LTBP3: variants seen among roughly 807,000 people sequenced by gnomAD.
The protein encoded by LTBP3 is latent transforming growth factor beta binding protein 3.
LTBP3 carries 97 observed loss-of-function variants against 159.7 expected under a neutral mutation model. The observed-to-expected ratio is 0.61, with a 90% CI of 0.52 to 0.72. The LOEUF (loss-of-function observed/expected upper bound fraction) is 0.72. Ranked by LOEUF, LTBP3 falls within the 30% of genes least tolerant of loss-of-function variation. The probability of loss-of-function intolerance (pLI) is 0.00; values close to 1 mark genes in which losing one functional copy is unlikely to be tolerated. For missense variants in LTBP3, 1,584 were observed against 1,864.3 expected (o/e 0.85, Z 2.77); for synonymous variants, 824 against 777.1 (o/e 1.06, Z -1.00).
At chr11:65,544,866 G>A (rs1856300898) in intron 16 of LTBP3, 1 of 152,636 alleles carries the variant, frequency 6.6e-6, no homozygotes, top group East Asian at 1.9e-4. Context: ...CCACTCTCCT[G>A]GCATCACCTC....
chr11:65,547,714 C>T lies in LTBP3; in HGVS notation c.1954G>A (p.Gly652Ser). The change falls in exon 13 of 28, where the codon GGC (glycine) becomes AGC (serine). Residue 652 changes from glycine (G) to serine (S), a missense_variant. Coordinates refer to ENST00000301873, the MANE Select transcript of LTBP3 (RefSeq NM_001130144.3). The surrounding 1 kb of genome is among the most constrained non-coding windows in gnomAD (Gnocchi z 4.6). ...CCCACGCACGAGCGCCCCCCGGCGC[C>T]CACGTGCAGGCGGTAGCCGCGGTTG... Reference protein sequence around the residue: ...HCNRGYRLHVGAGGRSCVDLN... With the variant: ...HCNRGYRLHVSAGGRSCVDLN... 1.9e-6 allele frequency: 3 copies of T among 1,606,800 alleles called. No individual in the cohort carries two copies. Among genetic ancestry groups the T allele is most frequent in the Non-Finnish European group, 2.5e-6 (3 of 1,177,888 alleles).
chr11:65,546,649 A>G lies in LTBP3; in HGVS notation c.2231-85T>C. 6.3e-7 allele frequency: 1 copy of G among 1,583,014 alleles called. No homozygotes were observed. ...GCGGGGGTGTGGGTCTCTTCCCTGG[A>G]ACGCGGGGTTGAGAGGGCAGCCTCT... On this transcript the variant is annotated intron_variant, in intron 15 of 27. Coordinates refer to ENST00000301873, the MANE Select transcript of LTBP3 (RefSeq NM_001130144.3). This position sits in a 1 kb window ranked among gnomAD's most constrained non-coding sequence, Gnocchi z 4.0.
chr11:65,545,739 T>G, intron 16 of LTBP3: 1 of 213,264 alleles, frequency 4.7e-6, no homozygotes, highest in Non-Finnish European at 9.5e-6. Flanking sequence ...ATCTTGTCAC[T>G]CTTACACTTA....
Position 65,552,728 on chromosome 11 carries a change from C to A in LTBP3, c.1186+132G>T. The A allele has an allele frequency of 7.4e-7, 1 of 1,355,762 alleles. No individual in the cohort carries two copies. Among genetic ancestry groups the A allele is most frequent in the East Asian group, 2.4e-5 (1 of 42,346 alleles). 84.0% of individuals were successfully genotyped at this position (1,355,762 alleles called of 1,614,324 possible). The stretch of plus-strand genomic sequence containing the variant: ...ATGTGACCCCGGACCCTGCTGATCC[C>A]TGATCCTATTGGCTCTGGGCCTTGT... On this transcript the variant is annotated intron_variant, in intron 6 of 27. Transcript: ENST00000301873. This position sits in a 1 kb window ranked among gnomAD's most constrained non-coding sequence, Gnocchi z 6.0.
In LTBP3 at chr11:65,543,509, G is replaced by A. The variant is rs766347403; in HGVS notation, c.2394C>T (p.Gly798=). The change falls in exon 17 of 28, where the codon GGC becomes GGT. Residue 798 remains glycine, a synonymous_variant. Transcript: ENST00000301873. ...ECEAGDVCDN[G]ICSNTPGSFQ... ...AAGATCCTGGCGTGTTGCTGCAGAT[G>A]CCATTGTCACACACGTCCCCAGCCT... 2 of 1,614,080 alleles carry A rather than the reference G, an allele frequency of 1.2e-6. No homozygotes were observed. Among genetic ancestry groups the A allele is most frequent in the Admixed American group, 1.7e-5 (1 of 60,016 alleles).
intron 18 of LTBP3, chr11:65,542,092 C>T (rs1188530699): frequency 2.9e-6 from 1 of 342,790 alleles, no homozygotes; most frequent in Non-Finnish European, 5.8e-6. Flanking sequence ...GTAAACACAA[C>T]TAGCTCCTTC....
In LTBP3 at chr11:65,543,132, G is replaced by A. The variant is rs368156902; in HGVS notation, c.2569C>T (p.Arg857Trp). ...TGGCATTTCCTGCCACCCACCAGCC[G>A]ATGCCCCTGGGGGCAAAGACATCTG... ...SYRCLCPQGH[R>W]LVGGRKCQDI... The change falls in exon 18 of 28, where the codon CGG (arginine) becomes TGG (tryptophan). Residue 857 changes from arginine (R) to tryptophan (W), a missense_variant. Transcript: ENST00000301873. The A allele has an allele frequency of 3.7e-6, 6 of 1,613,998 alleles. No individual in the cohort carries two copies. The highest frequency in any genetic ancestry group is 2.7e-5 in the African/African-American group (2 of 74,914).
intron 21 of LTBP3, 119 bp from the exon 22 acceptor site, chr11:65,540,733 A>ACAGGAGGGGCGGGGCCTC: frequency 1.3e-6 from 2 of 1,508,406 alleles, no homozygotes; most frequent in South Asian, 1.1e-5. Flanking sequence ...GGCGGGGCCT[A>ACAGGAGGGGCGGGGCCTC]CAGGGCGGGG....
chr11:65,558,079 C>G lies in LTBP3; in HGVS notation c.-120G>C. Reference sequence around the variant, plus strand: ...GGTAGGGGGCAGCGAGGGAGGGCAGCGGGGGAAGCGGGCGGGAGGGGACCG... The same window carrying G: ...GGTAGGGGGCAGCGAGGGAGGGCAGGGGGGGAAGCGGGCGGGAGGGGACCG... On this transcript the variant is annotated 5_prime_UTR_variant, in exon 1 of 28. Transcript: ENST00000301873. 2 of 846,732 alleles carry G rather than the reference C, an allele frequency of 2.4e-6. No homozygotes were observed. Among genetic ancestry groups the G allele is most frequent in the Non-Finnish European group, 2.9e-6 (2 of 685,642 alleles). 52.5% of individuals were successfully genotyped at this position (846,732 alleles called of 1,614,324 possible). A position where few individuals can be genotyped will look rare whatever the true frequency, so the allele number is the denominator to read the frequency against.
intron 11 of LTBP3, among the ~76,000 whole-genome samples, chr11:65,550,292 G>A (rs1385153675): frequency 6.6e-6 from 1 of 151,930 alleles, no homozygotes; most frequent in Non-Finnish European, 1.5e-5. Flanking sequence ...GGCGCCTGTA[G>A]TCCCAGCTAC....
At position 65,539,376 on chromosome 11, in the gene LTBP3, C is replaced by A; in HGVS notation, c.3712G>T (p.Glu1238Ter). ...TCGAGCTGGAAGCCGCCGGGACACT[C>A]GCACACGGCGCCGCCCGGCCGCGGC... The part of the protein sequence containing the change: ...CVPRPGGAVC[E>*]CPGGFQLDAS... The change falls in exon 27 of 28, where the codon GAG (glutamate) becomes TAG (stop). Residue 1238 changes from glutamate to a stop codon, truncating the protein, a stop_gained. Transcript: ENST00000301873. LOFTEE classifies it high-confidence loss of function. 6.5e-7 allele frequency: 1 copy of A among 1,543,008 alleles called. No homozygotes were observed. Among genetic ancestry groups the A allele is most frequent in the East Asian group, 2.5e-5 (1 of 40,458 alleles).
At position 65,551,958 on chromosome 11, in the gene LTBP3, G is replaced by C; in HGVS notation, c.1531+14C>G. On this transcript the variant is annotated intron_variant, in intron 8 of 27. Transcript: ENST00000301873. Reference sequence around the variant, plus strand: ...CTTGGCATGGGTCAGGGATCAGAAGGGGTCAGGCTAGACCTCTCTCTTCCT... The same window carrying C: ...CTTGGCATGGGTCAGGGATCAGAAGCGGTCAGGCTAGACCTCTCTCTTCCT... 6.2e-7 allele frequency: 1 copy of C among 1,613,604 alleles called. No homozygotes were observed. Among genetic ancestry groups the C allele is most frequent in the Non-Finnish European group, 8.5e-7 (1 of 1,179,846 alleles).
At position 65,538,764 on chromosome 11, in the gene LTBP3, C is replaced by T. The variant is rs746730644; in HGVS notation, c.*316G>A. ...GCGGCTGGGGTCTGGCGCCGCCCTG[C>T]GCAGCCCGCGCCCACGTCAGACGTG... On this transcript the variant is annotated 3_prime_UTR_variant, in exon 28 of 28. Transcript: ENST00000301873. The T allele has an allele frequency of 2.3e-6, 2 of 871,320 alleles. No homozygotes were observed. The highest frequency in any genetic ancestry group is 3.4e-6 in the Non-Finnish European group (2 of 589,764). 54.0% of individuals were successfully genotyped at this position (871,320 alleles called of 1,614,324 possible).
rs1855902442 is a variant in LTBP3, at chr11:65,538,985, G to C, written c.*95C>G. ...GGGTCTGCGGGCCCTGAAGGTCCCT[G>C]GGTCCGAGCCACAAGTCGGGGCAGA... On this transcript the variant is annotated 3_prime_UTR_variant, in exon 28 of 28. Coordinates refer to ENST00000301873, the MANE Select transcript of LTBP3 (RefSeq NM_001130144.3). 1.5e-6 allele frequency: 2 copies of C among 1,316,940 alleles called. No individual in the cohort carries two copies. Among genetic ancestry groups the C allele is most frequent in the Non-Finnish European group, 1.9e-6 (2 of 1,034,380 alleles). 81.6% of individuals were successfully genotyped at this position (1,316,940 alleles called of 1,614,324 possible). A position where few individuals can be genotyped will look rare whatever the true frequency, so the allele number is the denominator to read the frequency against.
rs1476796037 is a variant in LTBP3, at chr11:65,539,025, C to T, written c.*55G>A. On this transcript the variant is annotated 3_prime_UTR_variant, in exon 28 of 28. Transcript: ENST00000301873. ...GTCGGGGCAGAAGTGAGGCCGAGCT[C>T]GCGGAAATCCCTCAGTGATCACCGA... 1.5e-6 allele frequency: 2 copies of T among 1,324,748 alleles called. No individual in the cohort carries two copies. The highest frequency in any genetic ancestry group is 3.1e-5 in the African/African-American group (2 of 63,922). 82.1% of individuals were successfully genotyped at this position (1,324,748 alleles called of 1,614,324 possible).
At chr11:65,545,208 A>T (rs1856313159) in intron 16 of LTBP3, 1 of 180,198 alleles carries the variant, frequency 5.5e-6, no homozygotes, top group Non-Finnish European at 1.2e-5. Flanking sequence ...CGCCCCTGCC[A>T]TCCCTCCCCC....
At chr11:65,539,295 CGCCCCTG>C in intron 27 of LTBP3, 26 bp downstream of exon 27, 1 of 1,510,674 alleles carries the variant, frequency 6.6e-7, no homozygotes, top group Non-Finnish European at 8.9e-7. Context: ...CCACCGGCCC[CGCCCCTG>C]CCCCCACCCC....
chr11:65,546,354 A>G lies in LTBP3; in HGVS notation c.2353+88T>C. 7.1e-7 allele frequency: 1 copy of G among 1,409,044 alleles called. No homozygotes were observed. Among genetic ancestry groups the G allele is most frequent in the Non-Finnish European group, 9.3e-7 (1 of 1,071,900 alleles). 87.3% of individuals were successfully genotyped at this position (1,409,044 alleles called of 1,614,324 possible). On this transcript the variant is annotated intron_variant, in intron 16 of 27. Transcript: ENST00000301873. This position sits in a 1 kb window ranked among gnomAD's most constrained non-coding sequence, Gnocchi z 4.0. Reference sequence around the variant, plus strand: ...CCTGGGGATGAATGAGCCACCTTCCACCCACTGTTTACAGACAGCGTGACC... The same window carrying G: ...CCTGGGGATGAATGAGCCACCTTCCGCCCACTGTTTACAGACAGCGTGACC...
chr11:65,542,907 TGAATGGAAGGATGGATGGATAGAA>T (rs1856202600), intron 18 of LTBP3, 174 bp downstream of exon 18: 5 of 733,742 alleles, frequency 6.8e-6, no homozygotes, highest in Middle Eastern at 4.1e-4. Flanking sequence ...AGTGGAAGGA[TGAATGGAAGGATGGATGGATAGAA>T]GGATGGATGG....
Sources: gnomAD v4.1 joint callset for allele counts (sites outside exome capture counted in the v4.1 genomes callset) on GRCh38, gnomAD v4.1.1 for gene constraint, Gnocchi (gnomAD v3.1) non-coding constraint, MANE v1.5 for transcripts, NCBI Gene and HGNC (gene_info 2026-07-23, HGNC 2026-07-21) for gene names.